Variants in USP8 observed in about 807,000 individuals in gnomAD.
USP8 encodes ubiquitin specific peptidase 8.
A neutral mutation model predicts 130.0 loss-of-function variants in USP8; 27 were observed. The observed-to-expected ratio is 0.21, with a 90% CI of 0.15 to 0.29. The LOEUF is 0.29. USP8 is among the 10% of genes least tolerant of loss of function. USP8 has a pLI of 1.00. For synonymous variants in USP8, 392 were observed against 444.1 expected (o/e 0.88, Z 1.48); for missense variants, 1,029 against 1,312.2 (o/e 0.78, Z 3.33).
At chr15:50,430,445 T>C (rs2049895171) in intron 1 of USP8, among the ~76,000 whole-genome samples, 1 of 152,162 alleles carries the variant, frequency 6.6e-6, no homozygotes, top group South Asian at 2.1e-4. Flanking sequence ...CCTCTATTGC[T>C]CAGGCTGGAG....
At chr15:50,475,641 C>T (rs549635711) in intron 8 of USP8, among the ~76,000 whole-genome samples, 1 of 152,046 alleles carries the variant, frequency 6.6e-6, no homozygotes, top group Non-Finnish European at 1.5e-5. Context: ...TCACTCTTAT[C>T]CCCCAGGCTG....
chr15:50,490,475 G>T lies in USP8; in HGVS notation c.2184G>T (p.Glu728Asp). The change falls in exon 14 of 20, where the codon GAG (glutamate) becomes GAT (aspartate). Residue 728 changes from glutamate to aspartate, a missense_variant. Glu to Asp is a conservative substitution (Grantham distance 45). Transcript: ENST00000307179. ...SSPDITQAIQ[E>D]EEKRKPTVTP... is the part of the protein sequence containing the mutation. ...CAGATATAACCCAGGCTATTCAAGA[G>T]GAAGAGAAGAGGAAGCCAACAGTAA... 6.2e-7 allele frequency: 1 copy of T among 1,614,100 alleles called. No individual in the cohort carries two copies.
At chr15:50,472,310 A>G (rs1217129511) in intron 8 of USP8, among the ~76,000 whole-genome samples, 2 of 151,954 alleles carry the variant, frequency 1.3e-5, no homozygotes, top group East Asian at 1.9e-4. Flanking sequence ...TAAGATTACA[A>G]GATGGCCAGG....
chr15:50,476,846 T>C lies in USP8; in HGVS notation c.850-3T>C. On this transcript the variant is annotated splice_polypyrimidine_tract_variant and splice_region_variant and intron_variant, in intron 8 of 19. Transcript: ENST00000307179. ...ATTTAAAATATGATTTCCTTATTTATAGTGGGAAAGTAAAACTGTCCTGCG... is the reference window on the plus strand; with the variant it reads ...ATTTAAAATATGATTTCCTTATTTACAGTGGGAAAGTAAAACTGTCCTGCG... 2 of 1,549,288 alleles carry C rather than the reference T, an allele frequency of 1.3e-6. No individual in the cohort carries two copies. The highest frequency in any genetic ancestry group is 1.4e-5 in the African/African-American group (1 of 70,836).
chr15:50,445,282 A>G (rs1022313874), intron 3 of USP8, among the ~76,000 whole-genome samples: 2 of 150,716 alleles, frequency 1.3e-5, no homozygotes, highest in Non-Finnish European at 3.0e-5. Context: ...GCAATGGCTC[A>G]CCCCTGTAAT....
At position 50,464,101 on chromosome 15, in the gene USP8, T is replaced by TA. The variant is rs1257244409; in HGVS notation, c.542-945dup. ...TAAACATTTTAGGCTTGGGGAACCT[T>TA]ATGGGCTTGGAGAGTCCTGTGGTCT... On this transcript the variant is annotated intron_variant, in intron 6 of 19. Coordinates refer to ENST00000307179, the MANE Select transcript of USP8 (RefSeq NM_005154.5). 2.0e-4 allele frequency among the ~76,000 whole-genome samples: 31 copies of TA among 152,042 alleles called. No homozygotes were observed. The Middle Eastern group carries it at 0.014, about 67-fold the overall frequency.
chr15:50,441,430 A>G lies in USP8; in HGVS notation c.186A>G (p.Leu62=), dbSNP rs144979891. The change falls in exon 3 of 20, where the codon CTA becomes CTG. Residue 62 remains leucine (L), a synonymous_variant. Coordinates refer to ENST00000307179, the MANE Select transcript of USP8 (RefSeq NM_005154.5). ...LDRDEERAYV[L]YMKYVTVYNL... ...GTGATGAGGAAAGGGCCTATGTACT[A>G]TATATGAAATACGTGACTGTTTATA... The G allele has an allele frequency of 3.2e-5, 51 of 1,604,184 alleles. No individual in the cohort carries two copies. Among genetic ancestry groups the G allele is most frequent in the African/African-American group, 2.8e-4 (21 of 74,256 alleles).
At chr15:50,457,892 A>T (rs2050846628) in intron 4 of USP8, among the ~76,000 whole-genome samples, 1 of 151,824 alleles carries the variant, frequency 6.6e-6, no homozygotes, top group Non-Finnish European at 1.5e-5. Context: ...GAAAAAAAAA[A>T]GAAAAAAAGA....
At position 50,446,635 on chromosome 15, in the gene USP8, G is replaced by A. The variant is rs555327210; in HGVS notation, c.250-2765G>A. The stretch of plus-strand genomic sequence containing the variant: ...AATTATTGTAATGTTCAATTGATAC[G>A]ATATTGAACAAACTGTACACTTTTA... On this transcript the variant is annotated intron_variant, in intron 3 of 19. Transcript: ENST00000307179. Among the ~76,000 whole-genome samples the A allele has an allele frequency of 2.5e-3, 376 of 152,286 alleles. 2 individuals are homozygous for A. The highest frequency in any genetic ancestry group is 4.4e-3 in the Non-Finnish European group (296 of 68,022).
At chr15:50,497,061 G>T (rs376013914) in intron 17 of USP8, 28 bp from the exon 18 acceptor site, 8 of 1,581,686 alleles carry the variant, frequency 5.1e-6, no homozygotes, top group African/African-American at 1.4e-5. Flanking sequence ...GAATTAACGA[G>T]TATCTGCTAC....
intron 7 of USP8, 112 bp from the exon 8 acceptor site, chr15:50,471,521 T>C (rs2051375431): frequency 1.7e-6 from 2 of 1,163,534 alleles, no homozygotes; most frequent in Non-Finnish European, 2.4e-6. Context: ...GGAATCTACT[T>C]AAAATTTGCT....
At chr15:50,433,326 G>A (rs959419485) in intron 1 of USP8, among the ~76,000 whole-genome samples, 5 of 152,166 alleles carry the variant, frequency 3.3e-5, no homozygotes, top group South Asian at 2.1e-4. Context: ...TTAAGACAGC[G>A]AGAAGATACT....
chr15:50,488,144 G>A (rs563425812), intron 12 of USP8, among the ~76,000 whole-genome samples: 1 of 152,262 alleles, frequency 6.6e-6, no homozygotes, highest in African/African-American at 2.4e-5. Context: ...TTCACATGTG[G>A]ATTGTGCTGT....
chr15:50,496,075 T>G lies in USP8; in HGVS notation c.2886T>G (p.Cys962Trp), dbSNP rs762527793. The G allele has an allele frequency of 6.2e-7, 1 of 1,608,644 alleles. No individual in the cohort carries two copies. The highest frequency in any genetic ancestry group is 8.5e-7 in the Non-Finnish European group (1 of 1,175,962). Residue 962 changes from cysteine to tryptophan, a missense_variant, in exon 17 of 20, where the codon TGT becomes TGG. Coordinates refer to ENST00000307179, the MANE Select transcript of USP8 (RefSeq NM_005154.5). ...TACCACTAGCATCCACAAGTAAATG[T>G]ACATTACAGGTAAGTTTAAGAAGTA... ...LSLPLASTSK[C>W]TLQDCLRLFS...
rs755114266 is a variant in USP8, at chr15:50,490,551, T to C, written c.2234+26T>C. ...GTATGTTTATCTTAACTCCTAGAAC[T>C]AAAATAATGTGCTGTATTTCAAAGT... On this transcript the variant is annotated intron_variant, in intron 14 of 19. Coordinates refer to ENST00000307179, the MANE Select transcript of USP8 (RefSeq NM_005154.5). 1.1e-5 allele frequency: 17 copies of C among 1,605,084 alleles called. No homozygotes were observed. The East Asian group carries it at 3.8e-4, about 36-fold the overall frequency.
chr15:50,435,428 A>G (rs1457505786), intron 1 of USP8, among the ~76,000 whole-genome samples: 1 of 152,204 alleles, frequency 6.6e-6, no homozygotes, highest in East Asian at 1.9e-4. Flanking sequence ...AAGTAAGGTT[A>G]TATGCAAATC....
chr15:50,490,587 A>T (rs2052124030), intron 14 of USP8, 62 bp downstream of exon 14: 2 of 1,563,702 alleles, frequency 1.3e-6, no homozygotes, highest in Admixed American at 3.6e-5. Context: ...TTCTACTCTG[A>T]ATCTGTCAGT....
Position 50,504,856 on chromosome 15 carries a change from C to T in USP8, c.*5768C>T, listed in dbSNP as rs1218472273. 6.6e-6 allele frequency: 1 copy of T among 151,968 alleles called. No individual in the cohort carries two copies. Among genetic ancestry groups the T allele is most frequent in the Non-Finnish European group, 1.5e-5 (1 of 68,138 alleles). The allele number at this position is 151,968 out of a possible 1,614,324, so 9.4% of individuals were successfully genotyped here. A position where few individuals can be genotyped will look rare whatever the true frequency, so the allele number is the denominator to read the frequency against. ...AATTAGCTGGGCCTGGTGGCGTGCA[C>T]CTGTAATCCCAGCTACTTGAGAGGC... On this transcript the variant is annotated 3_prime_UTR_variant, in exon 20 of 20. Coordinates refer to ENST00000307179, the MANE Select transcript of USP8 (RefSeq NM_005154.5).
In USP8 at chr15:50,500,939, T is replaced by A. The variant is rs141504618; in HGVS notation, c.*1851T>A. ...AGATGCTTTTTAAATTGTCCCTTAT[T>A]CTAAATTAAAAGGAAGTGATAATTT... On this transcript the variant is annotated 3_prime_UTR_variant, in exon 20 of 20. Transcript: ENST00000307179. 1.1e-4 allele frequency: 107 copies of A among 991,856 alleles called. 1 individual carries two copies. In the African/African-American group the frequency reaches 1.4e-3, roughly 13 times the overall value. The allele number at this position is 991,856 out of a possible 1,614,324, so 61.4% of individuals were successfully genotyped here.
Sources: gnomAD v4.1 joint callset for allele counts (sites outside exome capture counted in the v4.1 genomes callset) on GRCh38, gnomAD v4.1.1 for gene constraint, MANE v1.5 for transcripts, NCBI Gene and HGNC (gene_info 2026-07-23, HGNC 2026-07-21) for gene names.